TAS2R1: variants seen among roughly 807,000 people sequenced by gnomAD.
TAS2R1 encodes taste 2 receptor member 1, also known as taste receptor type 2 member 1.
For synonymous variants in TAS2R1, 141 were observed against 134.2 expected, an observed-to-expected ratio of 1.05 and a Z score of -0.35; for missense variants, 370 against 353.4, an observed-to-expected ratio of 1.05 and a Z score of -0.38.
the TAS2R1 span, among the ~76,000 whole-genome samples, chr5:9,796,720 GGAAAAAA>G: frequency 0.34 from 26,198 of 77,112 alleles, 3,013 homozygotes; most frequent in Middle Eastern, 0.5. Flanking sequence ...GCTATTTTCT[GGAAAAAA>G]AAAAAAAAAA....
At chr5:9,848,726 TTA>T in the TAS2R1 span, among the ~76,000 whole-genome samples, 2,114 of 152,022 alleles carry the variant, frequency 0.014, 50 homozygotes, top group African/African-American at 0.049. Context: ...TATTTGTCAA[TTA>T]TATATATATG....
chr5:9,863,149 T>C, the TAS2R1 span: 1 of 152,148 alleles, frequency 6.6e-6, no homozygotes, highest in East Asian at 1.9e-4. Context: ...TTAAATATGC[T>C]TTGAAACTAA....
At chr5:9,741,946 A>C in the TAS2R1 span, among the ~76,000 whole-genome samples, 1 of 152,186 alleles carries the variant, frequency 6.6e-6, no homozygotes, top group South Asian at 2.1e-4. Context: ...CCCAGGCTGC[A>C]GTGCAATGGC....
the TAS2R1 span, among the ~76,000 whole-genome samples, chr5:9,770,633 T>G: frequency 6.6e-6 from 1 of 152,058 alleles, no homozygotes; most frequent in Non-Finnish European, 1.5e-5. Context: ...TTACATTAAT[T>G]CCTAGGTATT....
At chr5:9,632,493 G>A (rs1214453237), upstream of TAS2R1, among the ~76,000 whole-genome samples, 1 of 152,174 alleles carries the variant, frequency 6.6e-6, no homozygotes, top group Non-Finnish European at 1.5e-5. Context: ...CCTCTCTGTA[G>A]CATGTGATGC....
chr5:9,753,803 G>T, the TAS2R1 span, among the ~76,000 whole-genome samples: 3 of 152,130 alleles, frequency 2.0e-5, no homozygotes, highest in African/African-American at 4.8e-5. Flanking sequence ...ATTAAATAGG[G>T]AATCGTTTCT....
At chr5:9,801,814 C>A in the TAS2R1 span, among the ~76,000 whole-genome samples, 1 of 152,156 alleles carries the variant, frequency 6.6e-6, no homozygotes, top group African/African-American at 2.4e-5. Context: ...CCATAATTCC[C>A]CTGGGAACAT....
intron 1 of TAS2R1, among the ~76,000 whole-genome samples, chr5:9,670,007 G>T (rs1740717925): frequency 6.6e-6 from 1 of 151,966 alleles, no homozygotes; most frequent in South Asian, 2.1e-4. Flanking sequence ...TAGACCACTA[G>T]CTAGAATAAT....
chr5:9,760,885 G>A, the TAS2R1 span: 1 of 152,152 alleles, frequency 6.6e-6, no homozygotes, highest in African/African-American at 2.4e-5. Context: ...TATACAGATT[G>A]GAAAGAAAGA....
the TAS2R1 span, among the ~76,000 whole-genome samples, chr5:9,783,599 A>T: frequency 2.0e-4 from 30 of 152,288 alleles, no homozygotes; most frequent in African/African-American, 6.5e-4. Context: ...TATTAAATAA[A>T]ATTTTCATAC....
At chr5:9,826,877 C>T in the TAS2R1 span, among the ~76,000 whole-genome samples, 1 of 152,062 alleles carries the variant, frequency 6.6e-6, no homozygotes, top group Non-Finnish European at 1.5e-5. Context: ...TTCTACTTAC[C>T]AAATTCCACT....
the TAS2R1 span, among the ~76,000 whole-genome samples, chr5:9,850,148 C>T: frequency 2.6e-5 from 4 of 152,148 alleles, no homozygotes; most frequent in Non-Finnish European, 2.9e-5. Context: ...CCCCTGGGCG[C>T]CCCAGCTGAA....
the TAS2R1 span, among the ~76,000 whole-genome samples, chr5:9,873,134 C>A: frequency 0.014 from 2,092 of 152,256 alleles, 54 homozygotes; most frequent in African/African-American, 0.048. Flanking sequence ...TTAAACCTAA[C>A]CAGTGGAGGT....
chr5:9,890,995 A>G, the TAS2R1 span, among the ~76,000 whole-genome samples: 1 of 152,240 alleles, frequency 6.6e-6, no homozygotes, highest in African/African-American at 2.4e-5. Context: ...TAGTCTGGAG[A>G]CCTCGGTAGG....
the TAS2R1 span, among the ~76,000 whole-genome samples, chr5:9,791,545 A>G: frequency 6.6e-6 from 1 of 152,152 alleles, no homozygotes; most frequent in African/African-American, 2.4e-5. Context: ...CTAAAAATAC[A>G]AAAATTGGCC....
chr5:9,770,036 T>G, the TAS2R1 span, among the ~76,000 whole-genome samples: 1 of 152,200 alleles, frequency 6.6e-6, no homozygotes, highest in Non-Finnish European at 1.5e-5. Context: ...ATTGTAGTAA[T>G]TTCATAGTTT....
At chr5:9,832,312 G>A in the TAS2R1 span, among the ~76,000 whole-genome samples, 4 of 152,236 alleles carry the variant, frequency 2.6e-5, no homozygotes, top group East Asian at 7.7e-4. Context: ...AGGTTAAGCA[G>A]AGTCCAACAA....
chr5:9,848,404 C>T, the TAS2R1 span, among the ~76,000 whole-genome samples: 1 of 152,156 alleles, frequency 6.6e-6, no homozygotes, highest in African/African-American at 2.4e-5. Context: ...GCAATGGGAA[C>T]TCGGGTCTCC....
At chr5:9,732,163 T>C in the TAS2R1 span, among the ~76,000 whole-genome samples, 4 of 152,100 alleles carry the variant, frequency 2.6e-5, no homozygotes, top group Admixed American at 6.5e-5. Flanking sequence ...AAGAACGAGA[T>C]TTGCCCAAAC....
Sources: allele counts gnomAD v4.1 joint callset (sites outside exome capture counted in the v4.1 genomes callset), GRCh38; gene constraint gnomAD v4.1.1; transcripts MANE v1.5; gene names NCBI Gene and HGNC (gene_info 2026-07-23, HGNC 2026-07-21).